Variants in BICC1 observed in about 807,000 individuals in gnomAD.
BICC1 encodes protein bicaudal C homolog 1.
Under a neutral mutation model 111.0 loss-of-function variants are expected in BICC1, and 43 were observed. That is an observed-to-expected ratio of 0.39 (90% CI 0.30 to 0.50). BICC1 has a LOEUF of 0.50. BICC1 is among the 20% of genes least tolerant of loss of function. BICC1 has a pLI of 0.88. For synonymous variants in BICC1, 467 were observed against 434.4 expected, an observed-to-expected ratio of 1.07 and a Z score of -0.93; for missense variants, 1,091 against 1,203.2, an observed-to-expected ratio of 0.91 and a Z score of 1.38.
chr10:58,718,777 T>G (rs1291031145), intron 3 of BICC1, among the ~76,000 whole-genome samples: 4 of 131,804 alleles, frequency 3.0e-5, no homozygotes, highest in Non-Finnish European at 6.5e-5. Flanking sequence ...CGCGCGCGCG[T>G]GCGCGCGTGC....
chr10:58,695,194 C>G (rs1302125206), intron 2 of BICC1, among the ~76,000 whole-genome samples: 2 of 152,084 alleles, frequency 1.3e-5, no homozygotes, highest in East Asian at 3.9e-4. Flanking sequence ...TAGCAGAACC[C>G]TCTAATGTCT....
chr10:58,697,723 A>G (rs1394889126), intron 2 of BICC1, among the ~76,000 whole-genome samples: 1 of 151,962 alleles, frequency 6.6e-6, no homozygotes. Flanking sequence ...ACCCCATGCC[A>G]CTTGCAGGAG....
At chr10:58,795,650 AT>A (rs750726831) in intron 9 of BICC1, among the ~76,000 whole-genome samples, 2,034 of 142,188 alleles carry the variant, frequency 0.014, 26 homozygotes, top group African/African-American at 0.035. Flanking sequence ...CTCAGCCACA[AT>A]TTTTTTTTTT....
chr10:58,829,808 A>G lies in BICC1; in HGVS notation c.*917A>G, dbSNP rs930370486. 1.3e-5 allele frequency: 2 copies of G among 151,826 alleles called. No homozygotes were observed. The highest frequency in any genetic ancestry group is 2.9e-5 in the Non-Finnish European group (2 of 68,020). 9.4% of individuals were successfully genotyped at this position (151,826 alleles called of 1,614,324 possible). A position where few individuals can be genotyped will look rare whatever the true frequency, so the allele number is the denominator to read the frequency against. ...CACTAAAGGACATTTATTTATATCAAACTTTTATTTTTAGATATTATAAGC... is the reference window on the plus strand; with the variant it reads ...CACTAAAGGACATTTATTTATATCAGACTTTTATTTTTAGATATTATAAGC... On this transcript the variant is annotated 3_prime_UTR_variant, in exon 21 of 21. Transcript: ENST00000373886.
intron 3 of BICC1, among the ~76,000 whole-genome samples, chr10:58,762,323 G>A (rs1564599243): frequency 3.3e-5 from 5 of 152,162 alleles, no homozygotes; most frequent in Admixed American, 6.5e-5. Flanking sequence ...ATTGAGAACT[G>A]ATTTGCAGAT....
intron 3 of BICC1, among the ~76,000 whole-genome samples, chr10:58,723,407 G>A (rs1840999689): frequency 6.6e-6 from 1 of 152,112 alleles, no homozygotes; most frequent in Non-Finnish European, 1.5e-5. Context: ...TTAAAAACTT[G>A]CCAAGATGAA....
chr10:58,680,871 T>C, intron 2 of BICC1, among the ~76,000 whole-genome samples: 1 of 152,082 alleles, frequency 6.6e-6, no homozygotes, highest in Non-Finnish European at 1.5e-5. Context: ...TAGGTCCACA[T>C]GTCTACAACC....
At chr10:58,598,584 G>A (rs1844913106) in intron 1 of BICC1, among the ~76,000 whole-genome samples, 1 of 152,090 alleles carries the variant, frequency 6.6e-6, no homozygotes, top group African/African-American at 2.4e-5. Context: ...TACCATTCAG[G>A]ACATAGGCAT....
chr10:58,675,903 C>T (rs1046755918), intron 2 of BICC1, among the ~76,000 whole-genome samples: 23 of 152,160 alleles, frequency 1.5e-4, no homozygotes, highest in Non-Finnish European at 2.9e-4. Context: ...ACGCAGAAGG[C>T]GGGTGATTTC....
intron 2 of BICC1, among the ~76,000 whole-genome samples, chr10:58,645,323 G>T (rs942453261): frequency 2.7e-5 from 4 of 147,248 alleles, no homozygotes; most frequent in Non-Finnish European, 4.4e-5. Flanking sequence ...GCAGGAGAAT[G>T]GTGAACCCGG....
chr10:58,575,792 C>T (rs1005365123), intron 1 of BICC1, among the ~76,000 whole-genome samples: 1 of 151,996 alleles, frequency 6.6e-6, no homozygotes. Context: ...CAATGTATTA[C>T]CATAAATTGT....
At chr10:58,719,927 A>G (rs1033684373) in intron 3 of BICC1, among the ~76,000 whole-genome samples, 2 of 152,226 alleles carry the variant, frequency 1.3e-5, no homozygotes, top group Admixed American at 1.3e-4. Flanking sequence ...ATAAATAATC[A>G]GACAAGCCTA....
intron 3 of BICC1, among the ~76,000 whole-genome samples, chr10:58,728,045 T>C (rs1263562291): frequency 6.6e-6 from 1 of 152,226 alleles, no homozygotes; most frequent in African/African-American, 2.4e-5. Context: ...GGGTCTTACC[T>C]CAGTGTTGAT....
intron 2 of BICC1, among the ~76,000 whole-genome samples, chr10:58,657,805 CAT>C (rs202183875): frequency 0.051 from 240 of 4,684 alleles, 2 homozygotes; most frequent in East Asian, 0.35. Context: ...AAAGATCACT[CAT>C]ATTTTTTTTT....
At chr10:58,641,939 G>A (rs900269723) in intron 2 of BICC1, among the ~76,000 whole-genome samples, 1 of 152,132 alleles carries the variant, frequency 6.6e-6, no homozygotes, top group African/African-American at 2.4e-5. Context: ...CTATTTTGAC[G>A]TCTAAATGGC....
chr10:58,607,240 C>T (rs999496709), intron 1 of BICC1, among the ~76,000 whole-genome samples: 2 of 151,156 alleles, frequency 1.3e-5, no homozygotes, highest in East Asian at 2.0e-4. Flanking sequence ...CCCTTGAACC[C>T]GGGAGGCGGA....
chr10:58,558,736 T>C (rs573796423), intron 1 of BICC1, among the ~76,000 whole-genome samples: 1 of 152,188 alleles, frequency 6.6e-6, no homozygotes, highest in South Asian at 2.1e-4. Flanking sequence ...CAGAAAATTA[T>C]TTCTCACGGT....
chr10:58,626,950 CA>C (rs1320422897), intron 2 of BICC1, among the ~76,000 whole-genome samples: 2 of 152,072 alleles, frequency 1.3e-5, no homozygotes, highest in East Asian at 3.9e-4. Context: ...GATAAAAATA[CA>C]AAGTTAGCTG....
intron 1 of BICC1, among the ~76,000 whole-genome samples, chr10:58,572,418 CTTAA>C (rs970382726): frequency 1.3e-5 from 2 of 151,996 alleles, no homozygotes; most frequent in African/African-American, 2.4e-5. Flanking sequence ...ATGGTATTGC[CTTAA>C]TTAAAGACTT....
Sources: gnomAD v4.1 joint callset for allele counts (sites outside exome capture counted in the v4.1 genomes callset) on GRCh38, gnomAD v4.1.1 for gene constraint, MANE v1.5 for transcripts, NCBI Gene and HGNC (gene_info 2026-07-23, HGNC 2026-07-21) for gene names.